The following NYX variants were observed in gnomAD, a reference collection of about 807,000 sequenced individuals.
NYX encodes leucine-rich repeat protein.
For synonymous variants in NYX, 258 were observed against 245.7 expected, an observed-to-expected ratio of 1.05 and a Z score of -0.47; for missense variants, 481 against 485.4, an observed-to-expected ratio of 0.99 and a Z score of 0.09.
rs1387454126 is a variant in NYX at position 41,475,164 on chromosome X, G to A, written c.*265G>A. ...CCCTCGGGTGGGAAGACTAGGAATC[G>A]GAAGCTTCTAGGGCTTCACATCCCT... On this transcript the variant is annotated 3_prime_UTR_variant, in exon 3 of 3. Transcript: ENST00000378220. The A allele has an allele frequency of 9.7e-6, 4 of 411,426 alleles. No homozygotes were observed. Among genetic ancestry groups the A allele is most frequent in the African/African-American group, 5.0e-5 (2 of 39,937 alleles). 33.9% of individuals were successfully genotyped at this position (411,426 alleles called of 1,213,427 possible).
chrX:41,455,815 G>A (rs771146111), intron 2 of NYX, among the ~76,000 whole-genome samples: 1 of 111,800 alleles, frequency 8.9e-6, no homozygotes, highest in African/African-American at 3.3e-5. Context: ...TCTGGCCAAG[G>A]TATTCCCATG....
At chrX:41,465,979 TG>T (rs2064336634) in intron 2 of NYX, among the ~76,000 whole-genome samples, 1 of 111,535 alleles carries the variant, frequency 9.0e-6, no homozygotes, top group South Asian at 3.8e-4. Context: ...AAGGGGAACC[TG>T]TATACTAACT....
Position 41,473,670 on chromosome X carries a change from G to A in NYX, c.202G>A (p.Gly68Ser), listed in dbSNP as rs751740576. 4 of 1,118,302 alleles carry A rather than the reference G, an allele frequency of 3.6e-6. No individual in the cohort carries two copies. The African/African-American group carries it at 5.7e-5, about 16-fold the overall frequency. The allele number at this position is 1,118,302 out of a possible 1,213,427, so 92.2% of individuals were successfully genotyped here. ...EAVSIDLDRN[G>S]LRFLGERAFG... ...GGTCTCCATCGACCTGGACCGGAAC[G>A]GCCTGCGCTTCCTGGGCGAGCGAGC... Residue 68 changes from glycine (G) to serine (S), a missense_variant, in exon 3 of 3, where the codon GGC becomes AGC. By Grantham distance (56) the Gly-to-Ser change is moderately conservative (BLOSUM62 0). Transcript: ENST00000378220.
At chrX:41,452,406 G>A (rs1049336512) in intron 2 of NYX, among the ~76,000 whole-genome samples, 8 of 111,801 alleles carry the variant, frequency 7.2e-5, no homozygotes, top group African/African-American at 2.6e-4. Flanking sequence ...AAGGCTGGAG[G>A]GAGAGAGTGG....
chrX:41,451,606 C>T (rs768866069), intron 2 of NYX, among the ~76,000 whole-genome samples: 4 of 109,934 alleles, frequency 3.6e-5, no homozygotes, highest in Non-Finnish European at 7.6e-5. Context: ...CTCCGCCTCC[C>T]GGGTTCACGT....
intron 2 of NYX, chrX:41,472,595 C>G: frequency 2.0e-6 from 1 of 493,612 alleles, no homozygotes; most frequent in Non-Finnish European, 3.6e-6. Context: ...ACGGCTGAGA[C>G]CATCAGGGCC....
intron 2 of NYX, among the ~76,000 whole-genome samples, chrX:41,468,741 T>C (rs2064349349): frequency 8.9e-6 from 1 of 112,189 alleles, no homozygotes; most frequent in Admixed American, 9.5e-5. Flanking sequence ...GTACTTTCCT[T>C]AATTAGAAAG....
chrX:41,471,756 G>T (rs1172099845), intron 2 of NYX, among the ~76,000 whole-genome samples: 2 of 109,298 alleles, frequency 1.8e-5, no homozygotes, highest in South Asian at 4.1e-4. Flanking sequence ...CCCAGGAAAG[G>T]CTTGGGCAAA....
chrX:41,448,728 T>G (rs1354678029), intron 2 of NYX, among the ~76,000 whole-genome samples: 1 of 107,711 alleles, frequency 9.3e-6, no homozygotes, highest in East Asian at 2.9e-4. Context: ...CCAGCTAATT[T>G]TTTGTATTGT....
chrX:41,454,154 G>A (rs1264932401), intron 2 of NYX, among the ~76,000 whole-genome samples: 1 of 111,649 alleles, frequency 9.0e-6, no homozygotes, highest in Admixed American at 9.6e-5. Flanking sequence ...TATGGCCTGG[G>A]CACTGTGAGT....
chrX:41,461,376 T>G (rs1233085368), intron 2 of NYX, among the ~76,000 whole-genome samples: 1 of 66,966 alleles, frequency 1.5e-5, no homozygotes, highest in African/African-American at 5.5e-5. Flanking sequence ...CTGAGTAATA[T>G]TCCGTCATAT....
intron 2 of NYX, among the ~76,000 whole-genome samples, chrX:41,448,990 A>T (rs1334403487): frequency 8.9e-6 from 1 of 112,239 alleles, no homozygotes; most frequent in Admixed American, 9.6e-5. Context: ...TGGATATTGA[A>T]GTTATTTTTC....
intron 2 of NYX, 51 bp from the exon 3 acceptor site, chrX:41,473,439 CT>C: frequency 5.3e-6 from 5 of 938,423 alleles, no homozygotes; most frequent in South Asian, 7.9e-5. Context: ...ACGGTTGCTC[CT>C]TTTTTCTCTT....
In NYX at chrX:41,474,483, C is replaced by G. The variant is rs2064380917; in HGVS notation, c.1015C>G (p.Leu339Val). The G allele has an allele frequency of 8.3e-7, 1 of 1,209,142 alleles. No individual in the cohort carries two copies. Among genetic ancestry groups the G allele is most frequent in the Admixed American group, 2.2e-5 (1 of 46,060 alleles). The change falls in exon 3 of 3, where the codon CTG becomes GTG. Residue 339 changes from leucine to valine, a missense_variant. Coordinates refer to ENST00000378220, the MANE Select transcript of NYX (RefSeq NM_001378477.3). ...CAACCCGTGGTGCTGCGACTGCCGT[C>G]TGGAGTGGCTGAGGGACTGGATGGA... ...FRNPWCCDCR[L>V]EWLRDWMEGS... is the part of the protein sequence containing the mutation.
intron 2 of NYX, among the ~76,000 whole-genome samples, chrX:41,456,326 G>C (rs927541945): frequency 1.8e-5 from 2 of 111,497 alleles, no homozygotes; most frequent in Non-Finnish European, 3.8e-5. Context: ...AGGAAAAGGA[G>C]GAGAGGCCAG....
At chrX:41,463,417 A>C (rs1362771705) in intron 2 of NYX, among the ~76,000 whole-genome samples, 1 of 78,311 alleles carries the variant, frequency 1.3e-5, no homozygotes, top group African/African-American at 4.9e-5. Flanking sequence ...GAGAAATAGT[A>C]GTCTCTTTTT....
At position 41,450,828 on chromosome X, in the gene NYX, A is replaced by T. The variant is rs865852672; in HGVS notation, c.22+2902A>T. On this transcript the variant is annotated intron_variant, in intron 2 of 2. Coordinates refer to ENST00000378220, the MANE Select transcript of NYX (RefSeq NM_001378477.3). ...ACCTGGCTAATATATATATATATAT[A>T]TTTTTTTTTTTTTTTTTTTTTTTTT... is the stretch of plus-strand genomic sequence containing the variant. 4.3e-4 allele frequency among the ~76,000 whole-genome samples: 29 copies of T among 68,174 alleles called. 1 individual carries two copies. The highest frequency in any genetic ancestry group is 6.5e-4 in the Non-Finnish European group (25 of 38,524). The allele number at this position is 68,174 out of a possible 115,157, so 59.2% of individuals were successfully genotyped here. A position where few individuals can be genotyped will look rare whatever the true frequency, so the allele number is the denominator to read the frequency against.
chrX:41,453,760 T>C (rs2064289710), intron 2 of NYX, among the ~76,000 whole-genome samples: 1 of 112,627 alleles, frequency 8.9e-6, no homozygotes, highest in Non-Finnish European at 1.9e-5. Context: ...CAGGCCTTCA[T>C]TCCTTTTTAA....
At chrX:41,467,117 T>A (rs1028624223) in intron 2 of NYX, among the ~76,000 whole-genome samples, 33 of 110,137 alleles carry the variant, frequency 3.0e-4, no homozygotes, top group African/African-American at 8.9e-4. Flanking sequence ...ACAATTTTTT[T>A]AAAAAAATTT....
Sources: gnomAD v4.1 joint callset for allele counts (sites outside exome capture counted in the v4.1 genomes callset) on GRCh38, gnomAD v4.1.1 for gene constraint, MANE v1.5 for transcripts, NCBI Gene and HGNC (gene_info 2026-07-23, HGNC 2026-07-21) for gene names.